The following ATG16L2 variants were observed in gnomAD, a reference collection of about 807,000 sequenced individuals.
ATG16L2 encodes autophagy related 16 like 2, also known as protein Atg16l2.
ATG16L2 carries 77 observed loss-of-function variants against 84.7 expected under a neutral mutation model. The ratio of observed to expected loss-of-function variants is 0.91; its 90% confidence interval spans 0.76 to 1.10. The LOEUF is 1.10. ATG16L2 is among the 50% of genes least tolerant of loss of function. The probability of loss-of-function intolerance (pLI) is 0.00; values close to 1 mark genes in which losing one functional copy is unlikely to be tolerated. For missense variants in ATG16L2, 782 were observed against 817.6 expected (o/e 0.96, Z 0.53); for synonymous variants, 361 against 342.8 (o/e 1.05, Z -0.59).
Position 72,826,691 on chromosome 11 carries a change from G to T in ATG16L2, c.1246-12G>T, listed in dbSNP as rs774746234. Reference sequence around the variant, plus strand: ...GCCAAACTCTTGATCCGTACCTGGGGCCGGGGTACAGGAGACACTGTCTGG... The same window carrying T: ...GCCAAACTCTTGATCCGTACCTGGGTCCGGGGTACAGGAGACACTGTCTGG... On this transcript the variant is annotated splice_polypyrimidine_tract_variant and intron_variant, in intron 12 of 17. Transcript: ENST00000321297. 2 of 1,614,026 alleles carry T rather than the reference G, an allele frequency of 1.2e-6. No individual in the cohort carries two copies. The highest frequency in any genetic ancestry group is 1.3e-5 in the African/African-American group (1 of 74,928).
At chr11:72,834,218 G>A (rs4944808), downstream of ATG16L2, among the ~76,000 whole-genome samples, 151,965 of 152,318 alleles carry the variant, frequency 1, 75,807 homozygotes, top group Non-Finnish European at 1. Context: ...ACAACTTCAC[G>A]ATGAACAAAA....
rs906667172 is a variant in ATG16L2 at position 72,821,755 on chromosome 11, G to A, written c.392+14G>A. The A allele has an allele frequency of 1.3e-6, 2 of 1,533,256 alleles. No individual in the cohort carries two copies. The highest frequency in any genetic ancestry group is 2.5e-5 in the East Asian group (1 of 40,806). The allele number at this position is 1,533,256 out of a possible 1,614,324, so 95.0% of individuals were successfully genotyped here. On this transcript the variant is annotated intron_variant, in intron 4 of 17. Transcript: ENST00000321297. ...GAGGCAAAGCAGGTGAGGCGCGGGC[G>A]GGGGCGGGAGGGACCGCGCCCACCT...
chr11:72,829,270 GC>G, intron 17 of ATG16L2, 32 bp from the exon 18 acceptor site: 2 of 1,606,356 alleles, frequency 1.2e-6, no homozygotes, highest in East Asian at 2.2e-5. Flanking sequence ...AGTTCCTGAA[GC>G]CCCCCTGAAG....
chr11:72,834,585 CTT>C (rs750842866), downstream of ATG16L2, among the ~76,000 whole-genome samples: 44 of 142,600 alleles, frequency 3.1e-4, no homozygotes, highest in Admixed American at 5.6e-4. Context: ...CATTCCATTC[CTT>C]TTTTTTTTTT....
intron 3 of ATG16L2, 39 bp from the exon 4 acceptor site, chr11:72,821,629 G>A (rs1041581191): frequency 1.3e-6 from 2 of 1,519,656 alleles, no homozygotes; most frequent in Non-Finnish European, 1.8e-6. Flanking sequence ...GAGGCCTGGA[G>A]GGGCCTCAGC....
In ATG16L2 at chr11:72,822,092, G is replaced by GCAGCAGGCC. The variant is rs758222991; in HGVS notation, c.449_457dup (p.Ala150_Gln152dup). The GCAGCAGGCC allele has an allele frequency of 1.2e-5, 19 of 1,541,098 alleles. No homozygotes were observed. The highest frequency in any genetic ancestry group is 2.4e-5 in the East Asian group (1 of 41,522). ...TGGCGCAGCTGCGAGAGGCGCGGGC[G>GCAGCAGGCC]CAGCAGGCCCAGCAGGTGGAGGAGT... On this transcript the variant is annotated inframe_insertion, in exon 5 of 18. Coordinates refer to ENST00000321297, the MANE Select transcript of ATG16L2 (RefSeq NM_033388.2). This position sits in a 1 kb window ranked among gnomAD's most constrained non-coding sequence, Gnocchi z 4.2.
At position 72,829,581 on chromosome 11, in the gene ATG16L2, T is replaced by C; in HGVS notation, c.*191T>C. ...GGATTACGCTAGTTTTTCTTTGTAT[T>C]TTTATCTCTATCTCCTCACTTTTTC... On this transcript the variant is annotated 3_prime_UTR_variant, in exon 18 of 18. Transcript: ENST00000321297. The C allele has an allele frequency of 1.5e-6, 2 of 1,324,656 alleles. No individual in the cohort carries two copies. The highest frequency in any genetic ancestry group is 1.9e-6 in the Non-Finnish European group (2 of 1,038,254). 82.1% of individuals were successfully genotyped at this position (1,324,656 alleles called of 1,614,324 possible).
exon 6 of ATG16L2, chr11:72,843,502 C>T (rs766613200): frequency 6.2e-7 from 1 of 1,613,840 alleles, no homozygotes; most frequent in South Asian, 1.1e-5. Context: ...ACCTCATGTT[C>T]CTCAATGGTC....
intron 5 of ATG16L2, chr11:72,838,764 A>G: frequency 6.4e-7 from 1 of 1,564,366 alleles, no homozygotes; most frequent in Non-Finnish European, 8.7e-7. Context: ...CCTTGATTGT[A>G]GCAGTAATGG....
At chr11:72,826,456 C>A (rs1453014158) in intron 11 of ATG16L2, 62 bp from the exon 12 acceptor site, 1 of 1,600,282 alleles carries the variant, frequency 6.2e-7, no homozygotes. Flanking sequence ...TAGCCTCATT[C>A]TGTGGCCCGA....
At chr11:72,819,588 G>A (rs1443546532) in intron 3 of ATG16L2, among the ~76,000 whole-genome samples, 3 of 152,234 alleles carry the variant, frequency 2.0e-5, no homozygotes, top group East Asian at 3.9e-4. Flanking sequence ...GAGCTCCCCA[G>A]GCTCTTGTCG....
At chr11:72,840,995 AGT>A (rs1276678586) in intron 5 of ATG16L2, 2 of 1,513,374 alleles carry the variant, frequency 1.3e-6, no homozygotes, top group Admixed American at 1.7e-5. Context: ...ATTTTACTTG[AGT>A]TGTTGAGCAA....
In ATG16L2 at chr11:72,824,837, G is replaced by T. The variant is rs748213121; in HGVS notation, c.991G>T (p.Val331Leu). ...CCGACTTCCTACCCGGGCTCAGGATGTGCTGGTAAGGGAGGAGCTGAGCCA... is the reference window on the plus strand; with the variant it reads ...CCGACTTCCTACCCGGGCTCAGGATTTGCTGGTAAGGGAGGAGCTGAGCCA... ...AARLPTRAQD[V>L]LDAHLSEVNA... Residue 331 changes from valine to leucine, a missense_variant, in exon 9 of 18, where the codon GTG (valine) becomes TTG (leucine). Coordinates refer to ENST00000321297, the MANE Select transcript of ATG16L2 (RefSeq NM_033388.2). 2 of 1,588,660 alleles carry T rather than the reference G, an allele frequency of 1.3e-6. No homozygotes were observed. Among genetic ancestry groups the T allele is most frequent in the South Asian group, 1.2e-5 (1 of 86,288 alleles).
At chr11:72,831,202 A>G (rs986778909), downstream of ATG16L2, among the ~76,000 whole-genome samples, 1 of 152,212 alleles carries the variant, frequency 6.6e-6, no homozygotes, top group African/African-American at 2.4e-5. Flanking sequence ...AATGTTTATT[A>G]AGTGGTTAAA....
intron 5 of ATG16L2, among the ~76,000 whole-genome samples, chr11:72,840,027 T>C (rs911041354): frequency 6.6e-6 from 1 of 152,288 alleles, no homozygotes; most frequent in Admixed American, 6.5e-5. Flanking sequence ...CCCACTGCTC[T>C]CTCTTCCCAC....
At chr11:72,823,653 C>A (rs1353485893) in intron 7 of ATG16L2, 17 of 447,910 alleles carry the variant, frequency 3.8e-5, no homozygotes, top group Non-Finnish European at 7.2e-5. Flanking sequence ...TGGGCCAAGT[C>A]ATTGTAGGAC....
At chr11:72,841,506 G>A in intron 5 of ATG16L2, 1 of 1,611,480 alleles carries the variant, frequency 6.2e-7, no homozygotes, top group Non-Finnish European at 8.5e-7. Flanking sequence ...TATCTGGGCT[G>A]GGGTAGGGGC....
intron 5 of ATG16L2, chr11:72,841,313 C>T: frequency 2.3e-6 from 2 of 861,390 alleles, no homozygotes; most frequent in Non-Finnish European, 3.4e-6. Flanking sequence ...CCTGGGTGTC[C>T]AGCCCAGGTG....
intron 5 of ATG16L2, among the ~76,000 whole-genome samples, chr11:72,839,199 C>G (rs1442158544): frequency 1.3e-5 from 2 of 152,194 alleles, no homozygotes; most frequent in African/African-American, 4.8e-5. Flanking sequence ...AGAAATGAAA[C>G]ATTTCAGTGT....
Sources: gnomAD v4.1 joint callset for allele counts (sites outside exome capture counted in the v4.1 genomes callset) on GRCh38, gnomAD v4.1.1 for gene constraint, Gnocchi (gnomAD v3.1) non-coding constraint, MANE v1.5 for transcripts, NCBI Gene and HGNC (gene_info 2026-07-23, HGNC 2026-07-21) for gene names.